Variants in TMPRSS2 observed in about 807,000 individuals in gnomAD.
The protein encoded by TMPRSS2 is transmembrane serine protease 2.
A neutral mutation model predicts 67.4 loss-of-function variants in TMPRSS2; 59 were observed. That is an observed-to-expected ratio of 0.88 (90% CI 0.71 to 1.09). TMPRSS2 has a LOEUF of 1.09. Ranked by LOEUF, TMPRSS2 falls within the 50% of genes least tolerant of loss-of-function variation. TMPRSS2 has a pLI of 0.00. For missense variants in TMPRSS2, 668 were observed against 642.7 expected (o/e 1.04, Z -0.43); for synonymous variants, 257 against 257.0 (o/e 1.00, Z 0.00).
At chr21:41,502,904 G>C (rs531756387) in intron 1 of TMPRSS2, among the ~76,000 whole-genome samples, 1 of 151,996 alleles carries the variant, frequency 6.6e-6, no homozygotes. Context: ...CTTTCTGTTT[G>C]TTTTTTAAAT....
Position 41,494,357 on chromosome 21 carries a change from T to G in TMPRSS2, c.237A>C (p.Ser79=), listed in dbSNP as rs748251339. Residue 79 remains serine (S), a splice_region_variant and synonymous_variant, in exon 3 of 14, where the codon TCA becomes TCC. Transcript: ENST00000332149. ...PKSPSGTVCT[S]KTKKALCITL... ...AAATAAACACAAAGAGAATCCTACTTGAGGTGCACACTGTCCCGGATGGGG... is the reference window on the plus strand; with the variant it reads ...AAATAAACACAAAGAGAATCCTACTGGAGGTGCACACTGTCCCGGATGGGG... 5.0e-6 allele frequency: 8 copies of G among 1,611,158 alleles called. No homozygotes were observed. The highest frequency in any genetic ancestry group is 3.3e-5 in the South Asian group (3 of 90,494).
intron 2 of TMPRSS2, among the ~76,000 whole-genome samples, chr21:41,495,190 GT>G: frequency 6.6e-6 from 1 of 151,866 alleles, no homozygotes. Context: ...AATTACCAAA[GT>G]TTTTTGTTTT....
At chr21:41,506,426 G>C (rs910144060) in intron 1 of TMPRSS2, 1 of 152,454 alleles carries the variant, frequency 6.6e-6, no homozygotes, top group African/African-American at 2.4e-5. Flanking sequence ...GGTGTTGCTA[G>C]GTTTCATTCT....
At chr21:41,489,838 A>G (rs528205318) in intron 3 of TMPRSS2, among the ~76,000 whole-genome samples, 1 of 152,264 alleles carries the variant, frequency 6.6e-6, no homozygotes, top group South Asian at 2.1e-4. Context: ...CACCGAGGTT[A>G]GGCTCTTTTA....
intron 8 of TMPRSS2, among the ~76,000 whole-genome samples, chr21:41,475,661 G>A (rs1349420824): frequency 1.2e-5 from 1 of 80,792 alleles, no homozygotes; most frequent in African/African-American, 4.6e-5. Flanking sequence ...AGTGAGGGTT[G>A]AGGGAGTGAG....
chr21:41,491,905 C>T (rs1026185675), intron 3 of TMPRSS2, among the ~76,000 whole-genome samples: 1 of 152,222 alleles, frequency 6.6e-6, no homozygotes, highest in African/African-American at 2.4e-5. Context: ...TGGCCCGGCA[C>T]AGTGGCTCAT....
rs1442689838 is a variant in TMPRSS2 at position 41,467,930 on chromosome 21, A to G, written c.1315-44T>C. 2.5e-6 allele frequency: 4 copies of G among 1,611,626 alleles called. No individual in the cohort carries two copies. In the Admixed American group the frequency reaches 6.7e-5, roughly 27 times the overall value. On this transcript the variant is annotated intron_variant, in intron 12 of 13. Coordinates refer to ENST00000332149, the MANE Select transcript of TMPRSS2 (RefSeq NM_005656.4). ...TACAGAGAGCAGAAAATCAAGTCACAATCTGCCGCACACCACTGACCAGGC... is the reference window on the plus strand; with the variant it reads ...TACAGAGAGCAGAAAATCAAGTCACGATCTGCCGCACACCACTGACCAGGC...
chr21:41,477,219 C>T (rs1159056872), intron 7 of TMPRSS2, among the ~76,000 whole-genome samples: 3 of 152,176 alleles, frequency 2.0e-5, no homozygotes, highest in African/African-American at 4.8e-5. Context: ...ATAGCTGGGC[C>T]GTGTGCTCTG....
Position 41,471,991 on chromosome 21 carries a change from A to T in TMPRSS2, c.900-10T>A, listed in dbSNP as rs1352779767. The stretch of plus-strand genomic sequence containing the variant: ...TGGATTGTTAAGAGGTCTGGGAGAG[A>T]AGAAGGACTCAGTATCTCAGAGCCA... On this transcript the variant is annotated splice_polypyrimidine_tract_variant and intron_variant, in intron 9 of 13. Transcript: ENST00000332149. 1 of 1,587,270 alleles carries T rather than the reference A, an allele frequency of 6.3e-7. No homozygotes were observed. The highest frequency in any genetic ancestry group is 2.3e-5 in the East Asian group (1 of 44,332).
Position 41,496,446 on chromosome 21 carries a change from G to A in TMPRSS2, c.15+1673C>T, listed in dbSNP as rs564210410. Among the ~76,000 whole-genome samples the A allele has an allele frequency of 2.0e-3, 312 of 152,350 alleles. 3 individuals are homozygous for A. Among genetic ancestry groups the A allele is most frequent in the African/African-American group, 7.1e-3 (297 of 41,580 alleles). ...GACACATTACATGCATTTTTGTGCA[G>A]AGGGTAGAAAGGTGTAGCTAAATCC... On this transcript the variant is annotated intron_variant, in intron 2 of 13. Transcript: ENST00000332149.
At chr21:41,470,779 G>A (rs747920935) in intron 10 of TMPRSS2, 36 bp from the exon 11 acceptor site, 22 of 1,602,288 alleles carry the variant, frequency 1.4e-5, no homozygotes, top group Non-Finnish European at 1.9e-5. Flanking sequence ...GAGCCAGGCG[G>A]GTATCACCTA....
At position 41,507,953 on chromosome 21, in the gene TMPRSS2, C is replaced by A. The variant is rs916319861; in HGVS notation, c.-57+128G>T. ...CTCGACCCTCGGGCGCACTCACCTGCCGCGCCGCGCTCCTCACACCCGCTT... is the reference window on the plus strand; with the variant it reads ...CTCGACCCTCGGGCGCACTCACCTGACGCGCCGCGCTCCTCACACCCGCTT... On this transcript the variant is annotated intron_variant, in intron 1 of 13. Transcript: ENST00000332149. The A allele has an allele frequency of 2.7e-6, 4 of 1,479,830 alleles. No individual in the cohort carries two copies. In the African/African-American group the frequency reaches 5.9e-5, roughly 22 times the overall value. The allele number at this position is 1,479,830 out of a possible 1,614,324, so 91.7% of individuals were successfully genotyped here.
chr21:41,485,201 C>T (rs2091287290), intron 5 of TMPRSS2, among the ~76,000 whole-genome samples: 1 of 151,240 alleles, frequency 6.6e-6, no homozygotes, highest in South Asian at 2.1e-4. Flanking sequence ...TTTTGTACTT[C>T]CTTGATTTTG....
chr21:41,488,407 G>C lies in TMPRSS2; in HGVS notation c.432C>G (p.Asp144Glu), dbSNP rs372286621. 1.2e-6 allele frequency: 2 copies of C among 1,612,650 alleles called. No individual in the cohort carries two copies. Among genetic ancestry groups the C allele is most frequent in the African/African-American group, 2.7e-5 (2 of 74,882 alleles). The change falls in exon 5 of 14, where the codon GAC becomes GAG. Residue 144 changes from aspartate to glutamate, a missense_variant. Transcript: ENST00000332149. ...AGGCTGACTCACCACACCGATTCTC[G>C]TCCTCCCCGCCGGGGCAGTGTGACA... ...DGVSHCPGGE[D>E]ENRCVRLYGP...
intron 12 of TMPRSS2, 75 bp downstream of exon 12, chr21:41,468,321 A>G (rs961943153): frequency 2.5e-6 from 4 of 1,571,080 alleles, no homozygotes; most frequent in African/African-American, 1.3e-5. Context: ...GCTGACCCCA[A>G]GAATGCCCTC....
intron 7 of TMPRSS2, among the ~76,000 whole-genome samples, chr21:41,476,842 A>C (rs1362488695): frequency 6.6e-6 from 1 of 152,182 alleles, no homozygotes; most frequent in Admixed American, 6.5e-5. Flanking sequence ...CCACAGTGTG[A>C]CCTTGGGCAA....
At chr21:41,505,366 G>T (rs1346440033) in intron 1 of TMPRSS2, among the ~76,000 whole-genome samples, 2 of 152,212 alleles carry the variant, frequency 1.3e-5, no homozygotes, top group African/African-American at 4.8e-5. Flanking sequence ...GTGGAAAAGG[G>T]TAAGAGTTAT....
chr21:41,503,263 G>T (rs1285773198), intron 1 of TMPRSS2, among the ~76,000 whole-genome samples: 1 of 152,226 alleles, frequency 6.6e-6, no homozygotes, highest in Non-Finnish European at 1.5e-5. Flanking sequence ...GCCTCAAGCT[G>T]AGTGCAACCT....
intron 11 of TMPRSS2, among the ~76,000 whole-genome samples, 194 bp downstream of exon 11, chr21:41,470,454 G>A (rs943876190): frequency 2.6e-5 from 4 of 152,240 alleles, no homozygotes; most frequent in Non-Finnish European, 5.9e-5. Context: ...TAAGAACACA[G>A]TGTATTAGGT....
Sources: allele counts gnomAD v4.1 joint callset (sites outside exome capture counted in the v4.1 genomes callset), GRCh38; gene constraint gnomAD v4.1.1; transcripts MANE v1.5; gene names NCBI Gene and HGNC (gene_info 2026-07-23, HGNC 2026-07-21).